The following NKAIN2 variants were observed in gnomAD, a reference collection of about 807,000 sequenced individuals.
The protein encoded by NKAIN2 is sodium/potassium-transporting ATPase subunit beta-1-interacting protein 2.
Under a neutral mutation model 32.6 loss-of-function variants are expected in NKAIN2, and 14 were observed. The ratio of observed to expected loss-of-function variants is 0.43; its 90% CI spans 0.28 to 0.67. The LOEUF (loss-of-function observed/expected upper bound fraction) is 0.67. Among genes scored for constraint, NKAIN2 ranks in the 30% least tolerant of loss-of-function variants. The pLI is 0.17. For missense variants in NKAIN2, 198 were observed against 258.3 expected, an observed-to-expected ratio of 0.77 and a Z score of 1.60; for synonymous variants, 80 against 87.2, an observed-to-expected ratio of 0.92 and a Z score of 0.46.
At chr6:124,047,108 C>CT (rs1322630056) in intron 1 of NKAIN2, among the ~76,000 whole-genome samples, 6 of 151,912 alleles carry the variant, frequency 3.9e-5, no homozygotes, top group East Asian at 2.0e-4. Flanking sequence ...TTATGATATA[C>CT]TTTTTTGTTA....
intron 1 of NKAIN2, among the ~76,000 whole-genome samples, chr6:123,812,165 G>A (rs1438943522): frequency 6.6e-6 from 1 of 152,034 alleles, no homozygotes; most frequent in Non-Finnish European, 1.5e-5. Context: ...AGTGCTTGCA[G>A]TGAACCAAGA....
intron 1 of NKAIN2, among the ~76,000 whole-genome samples, chr6:123,893,643 G>A (rs1346000618): frequency 1.3e-5 from 2 of 152,220 alleles, no homozygotes; most frequent in Non-Finnish European, 2.9e-5. Context: ...TGGCTATATA[G>A]TGGTAGAGCA....
chr6:124,075,313 A>AGACAACT (rs1783645994), intron 1 of NKAIN2, among the ~76,000 whole-genome samples: 1 of 152,214 alleles, frequency 6.6e-6, no homozygotes, highest in African/African-American at 2.4e-5. Flanking sequence ...TGCTATAAAA[A>AGACAACT]GACAACTGCT....
chr6:123,830,631 C>T (rs909073000), intron 1 of NKAIN2, among the ~76,000 whole-genome samples: 3 of 152,214 alleles, frequency 2.0e-5, no homozygotes, highest in Admixed American at 2.0e-4. Context: ...GTCAACTTCA[C>T]CCACTGAAAA....
intron 5 of NKAIN2, among the ~76,000 whole-genome samples, chr6:124,807,061 T>G (rs2114847720): frequency 6.6e-6 from 1 of 151,996 alleles, no homozygotes; most frequent in Non-Finnish European, 1.5e-5. Context: ...CACCCCACTG[T>G]CAACATTAGA....
chr6:124,207,381 T>C (rs2114646894), intron 1 of NKAIN2, among the ~76,000 whole-genome samples: 1 of 151,526 alleles, frequency 6.6e-6, no homozygotes, highest in Admixed American at 6.6e-5. Context: ...TCTTAATCTC[T>C]TTATAATTTT....
At chr6:124,158,320 A>T (rs1788090886) in intron 1 of NKAIN2, among the ~76,000 whole-genome samples, 3 of 152,086 alleles carry the variant, frequency 2.0e-5, no homozygotes, top group Non-Finnish European at 4.4e-5. Context: ...CCTCATTTTA[A>T]CTTAATTACT....
chr6:123,883,720 A>T (rs1562238156), intron 1 of NKAIN2, among the ~76,000 whole-genome samples: 1 of 150,382 alleles, frequency 6.6e-6, no homozygotes, highest in Non-Finnish European at 1.5e-5. Flanking sequence ...AAAAAGAGGT[A>T]CATTTTAAAA....
intron 3 of NKAIN2, among the ~76,000 whole-genome samples, chr6:124,389,743 G>A (rs1210571773): frequency 2.0e-5 from 3 of 148,950 alleles, no homozygotes; most frequent in Non-Finnish European, 4.4e-5. Context: ...GTGTGTGTGT[G>A]TGTGTGTGGG....
chr6:124,804,027 C>A (rs1459504973), intron 5 of NKAIN2, among the ~76,000 whole-genome samples: 1 of 152,088 alleles, frequency 6.6e-6, no homozygotes, highest in African/African-American at 2.4e-5. Flanking sequence ...GAAATTAAGG[C>A]TCAGAGCAAT....
chr6:124,370,455 C>T (rs988046473), intron 3 of NKAIN2, among the ~76,000 whole-genome samples: 3 of 151,986 alleles, frequency 2.0e-5, no homozygotes, highest in Non-Finnish European at 4.4e-5. Flanking sequence ...ATTAGTTTTT[C>T]TCTTTTCTTC....
At chr6:123,938,395 GTTATATATATAT>G (rs1776622086) in intron 1 of NKAIN2, among the ~76,000 whole-genome samples, 2 of 77,962 alleles carry the variant, frequency 2.6e-5, no homozygotes, top group South Asian at 4.8e-4. Context: ...ATTTGCAAGG[GTTATATATATAT>G]ATATATATAT....
At chr6:124,563,659 TTTGA>T (rs1479710913) in intron 3 of NKAIN2, among the ~76,000 whole-genome samples, 1 of 152,114 alleles carries the variant, frequency 6.6e-6, no homozygotes, top group Non-Finnish European at 1.5e-5. Flanking sequence ...AGTAGGAGTA[TTTGA>T]TTGTTTGTTT....
rs1030360928 is a variant in NKAIN2 at position 124,194,255 on chromosome 6, C to T, written c.55-88750C>T. 4.6e-5 allele frequency among the ~76,000 whole-genome samples: 7 copies of T among 151,870 alleles called. No homozygotes were observed. The East Asian group carries it at 1.4e-3, about 29-fold the overall frequency. On this transcript the variant is annotated intron_variant, in intron 1 of 6. Coordinates refer to ENST00000368417, the MANE Select transcript of NKAIN2 (RefSeq NM_001040214.3). The stretch of plus-strand genomic sequence containing the variant: ...TCTGCCTCCTGCCCAGACTGCCCAC[C>T]ACTGCCATCAATCTCCTAACATCTT...
At chr6:124,521,715 T>A (rs1301444786) in intron 3 of NKAIN2, among the ~76,000 whole-genome samples, 2 of 152,206 alleles carry the variant, frequency 1.3e-5, no homozygotes, top group African/African-American at 4.8e-5. Context: ...CTTATAACCC[T>A]GAAATCAAGA....
intron 1 of NKAIN2, among the ~76,000 whole-genome samples, chr6:124,025,409 C>T (rs925287048): frequency 1.3e-5 from 2 of 151,906 alleles, no homozygotes; most frequent in Admixed American, 1.3e-4. Flanking sequence ...CGAAGAACAC[C>T]TCCCAATTTC....
At chr6:124,568,748 G>A (rs575810290) in intron 3 of NKAIN2, among the ~76,000 whole-genome samples, 159 of 123,412 alleles carry the variant, frequency 1.3e-3, no homozygotes, top group African/African-American at 4.8e-3. Context: ...TAAAGAAAAA[G>A]TCAATAAAAA....
intron 3 of NKAIN2, among the ~76,000 whole-genome samples, chr6:124,416,508 A>G (rs1043942578): frequency 3.3e-5 from 5 of 152,232 alleles, no homozygotes; most frequent in African/African-American, 9.6e-5. Flanking sequence ...GCGTGATGGC[A>G]TGCACCTGTA....
intron 3 of NKAIN2, among the ~76,000 whole-genome samples, chr6:124,511,215 A>T (rs1778698157): frequency 6.6e-6 from 1 of 152,206 alleles, no homozygotes; most frequent in African/African-American, 2.4e-5. Flanking sequence ...TCTATTACAT[A>T]TCTTGAGCAT....
Sources: gnomAD v4.1 joint callset for allele counts (sites outside exome capture counted in the v4.1 genomes callset) on GRCh38, gnomAD v4.1.1 for gene constraint, MANE v1.5 for transcripts, NCBI Gene and HGNC (gene_info 2026-07-23, HGNC 2026-07-21) for gene names.